The following CDH17 variants were observed in gnomAD, a reference collection of about 807,000 sequenced individuals.
The protein encoded by CDH17 is cadherin 17.
CDH17 carries 67 observed loss-of-function variants against 86.3 expected under a neutral mutation model. That is an observed-to-expected ratio of 0.78 (90% CI 0.64 to 0.95). CDH17 has a LOEUF of 0.95. CDH17 is among the 40% of genes least tolerant of loss of function. The pLI, the probability that CDH17 is intolerant of heterozygous loss-of-function variation, is 0.00. For missense variants in CDH17, 993 were observed against 1,017.6 expected (o/e 0.98, Z 0.33); for synonymous variants, 367 against 366.4 (o/e 1.00, Z -0.02).
At chr8:94,208,436 C>T (rs1490324019) in intron 1 of CDH17, 47 bp downstream of exon 1, 2 of 152,198 alleles carry the variant, frequency 1.3e-5, no homozygotes, top group Non-Finnish European at 2.9e-5. Context: ...CTTTGTCCTT[C>T]TGGAATAAAT....
At position 94,194,651 on chromosome 8, in the gene CDH17, A is replaced by C. The variant is rs1813746772; in HGVS notation, c.35T>G (p.Leu12Arg). 2 of 1,605,560 alleles carry C rather than the reference A, an allele frequency of 1.2e-6. No individual in the cohort carries two copies. The highest frequency in any genetic ancestry group is 1.7e-6 in the Non-Finnish European group (2 of 1,173,864). ...TTCTCTTACCAAATAAAGCATAAGA[A>C]GACACAGGGAGTGAAGATGGGCCTG... is the stretch of plus-strand genomic sequence containing the variant. ...ILQAHLHSLC[L>R]LMLYLATGYG... is the part of the protein sequence containing the mutation. Residue 12 changes from leucine (L) to arginine (R), a missense_variant, in exon 2 of 18, where the codon CTT becomes CGT. Transcript: ENST00000027335.
At chr8:94,204,814 G>T (rs1813993847) in intron 1 of CDH17, among the ~76,000 whole-genome samples, 1 of 152,186 alleles carries the variant, frequency 6.6e-6, no homozygotes, top group African/African-American at 2.4e-5. Context: ...CTGGGGAGAA[G>T]AGGCCTCTCC....
At chr8:94,167,294 G>A (rs912627959) in intron 9 of CDH17, among the ~76,000 whole-genome samples, 21 of 152,242 alleles carry the variant, frequency 1.4e-4, no homozygotes, top group African/African-American at 4.8e-4. Context: ...ATCCTACTCT[G>A]GGAGGTGGGA....
At chr8:94,134,060 T>G (rs1812472883) in intron 15 of CDH17, among the ~76,000 whole-genome samples, 1 of 152,226 alleles carries the variant, frequency 6.6e-6, no homozygotes, top group African/African-American at 2.4e-5. Flanking sequence ...AGTTTGCCAG[T>G]ATTTTACTGA....
At chr8:94,140,757 G>A (rs1349928752) in intron 15 of CDH17, among the ~76,000 whole-genome samples, 1 of 152,058 alleles carries the variant, frequency 6.6e-6, no homozygotes, top group African/African-American at 2.4e-5. Context: ...AATAAAATAT[G>A]AACTATATCA....
In CDH17 at chr8:94,176,624, A is replaced by C. The variant is rs778286431; in HGVS notation, c.341T>G (p.Ile114Arg). The change falls in exon 5 of 18, where the codon ATA (isoleucine) becomes AGA (arginine). Residue 114 changes from isoleucine to arginine, a missense_variant. By Grantham distance (97) the Ile-to-Arg change is moderately conservative. Coordinates refer to ENST00000027335, the MANE Select transcript of CDH17 (RefSeq NM_004063.4). ...ATTGTCGTTGATGTCCTTCACTTTT[A>C]TGGTGATAGGGACTGGACCCTCCAC... ...IIVEGPVPIT[I>R]KVKDINDNRP... The C allele has an allele frequency of 6.2e-7, 1 of 1,613,630 alleles. No homozygotes were observed. The highest frequency in any genetic ancestry group is 1.7e-5 in the Admixed American group (1 of 59,976).
intron 3 of CDH17, among the ~76,000 whole-genome samples, chr8:94,182,314 T>G (rs573286885): frequency 1.3e-5 from 2 of 152,104 alleles, no homozygotes; most frequent in East Asian, 3.9e-4. Flanking sequence ...CAGAAAAAAG[T>G]CAATGCAAGA....
intron 3 of CDH17, among the ~76,000 whole-genome samples, chr8:94,184,234 T>C (rs1206768825): frequency 6.6e-6 from 1 of 152,084 alleles, no homozygotes; most frequent in Non-Finnish European, 1.5e-5. Flanking sequence ...TGTGTGTGTG[T>C]GTCCAAGAGA....
rs1412623730 is a variant in CDH17 at position 94,147,885 on chromosome 8, T to TAC, written c.1927+857_1927+858dup. Among the ~76,000 whole-genome samples the TAC allele has an allele frequency of 5.3e-5, 8 of 152,338 alleles. No individual in the cohort carries two copies. In the East Asian group the frequency reaches 1.5e-3, roughly 29 times the overall value. ...TCACCTGATTTCGTCAAAACACAGA[T>TAC]ACCCCTTGTTCACCCAAACCTATGG... is the stretch of plus-strand genomic sequence containing the variant. On this transcript the variant is annotated intron_variant, in intron 14 of 17. Transcript: ENST00000027335.
chr8:94,148,736 TTGC>T lies in CDH17; in HGVS notation c.1927+5_1927+7del. On this transcript the variant is annotated splice_donor_5th_base_variant and intron_variant, in intron 14 of 17. Coordinates refer to ENST00000027335, the MANE Select transcript of CDH17 (RefSeq NM_004063.4). The stretch of plus-strand genomic sequence containing the variant: ...CTTTTTTTTTGTTTTTTTTTTTTTT[TTGC>T]TTACCTACTTCTGTGGCCACCACTT... The T allele has an allele frequency of 1.9e-5, 28 of 1,457,612 alleles. No individual in the cohort carries two copies. Among genetic ancestry groups the T allele is most frequent in the South Asian group, 8.6e-5 (6 of 70,170 alleles). The allele number at this position is 1,457,612 out of a possible 1,614,324, so 90.3% of individuals were successfully genotyped here.
chr8:94,205,700 T>A (rs763688483), intron 1 of CDH17, among the ~76,000 whole-genome samples: 1 of 152,224 alleles, frequency 6.6e-6, no homozygotes, highest in Non-Finnish European at 1.5e-5. Flanking sequence ...GAATTGTTTT[T>A]TTTTTTAATC....
intron 13 of CDH17, among the ~76,000 whole-genome samples, chr8:94,150,748 C>A (rs1260715810): frequency 6.6e-6 from 1 of 152,252 alleles, no homozygotes. Context: ...TTTTTATTCA[C>A]GTCTTTGACC....
intron 3 of CDH17, among the ~76,000 whole-genome samples, chr8:94,187,801 T>C (rs1045029653): frequency 6.6e-6 from 1 of 152,036 alleles, no homozygotes; most frequent in Non-Finnish European, 1.5e-5. Flanking sequence ...TCTTCTAAGC[T>C]TTCTTCCCTC....
chr8:94,194,448 T>C (rs1701290275), intron 2 of CDH17, among the ~76,000 whole-genome samples, 187 bp downstream of exon 2: 1 of 152,230 alleles, frequency 6.6e-6, no homozygotes, highest in Non-Finnish European at 1.5e-5. Context: ...GGCAGACATG[T>C]GATTTGTAGC....
intron 9 of CDH17, among the ~76,000 whole-genome samples, chr8:94,167,692 AT>A (rs949642278): frequency 3.3e-5 from 5 of 152,114 alleles, no homozygotes; most frequent in African/African-American, 1.2e-4. Flanking sequence ...CTATAGCCCT[AT>A]CCCCTCAGCA....
chr8:94,179,818 GCAAA>G (rs1245720445), intron 3 of CDH17, among the ~76,000 whole-genome samples: 10 of 152,230 alleles, frequency 6.6e-5, no homozygotes, highest in African/African-American at 2.4e-4. Context: ...AAGTCACTAA[GCAAA>G]CAAACAGCAT....
At chr8:94,137,640 G>A (rs1812556615) in intron 15 of CDH17, among the ~76,000 whole-genome samples, 1 of 151,936 alleles carries the variant, frequency 6.6e-6, no homozygotes, top group Non-Finnish European at 1.5e-5. Flanking sequence ...TTTAAACAAT[G>A]AAATCACCAA....
chr8:94,151,741 G>T, intron 13 of CDH17, 127 bp downstream of exon 13: 2 of 1,269,582 alleles, frequency 1.6e-6, no homozygotes, highest in Non-Finnish European at 2.2e-6. Flanking sequence ...CTAAACCAAA[G>T]CCAATTTCAT....
At chr8:94,141,465 A>T (rs1812636958) in intron 15 of CDH17, among the ~76,000 whole-genome samples, 1 of 152,176 alleles carries the variant, frequency 6.6e-6, no homozygotes, top group Non-Finnish European at 1.5e-5. Flanking sequence ...GGTTTCAGCC[A>T]GTAATAAACA....
Sources: allele counts gnomAD v4.1 joint callset (sites outside exome capture counted in the v4.1 genomes callset), GRCh38; gene constraint gnomAD v4.1.1; transcripts MANE v1.5; gene names NCBI Gene and HGNC (gene_info 2026-07-23, HGNC 2026-07-21).